Variants in PRELID2 observed in about 807,000 individuals in gnomAD.
PRELID2 encodes PRELI domain-containing protein 2.
A neutral mutation model predicts 28.4 loss-of-function variants in PRELID2; 25 were observed. The ratio of observed to expected loss-of-function variants is 0.88; its 90% confidence interval spans 0.64 to 1.23. PRELID2 has a LOEUF of 1.23. PRELID2 is among the 50% of genes most tolerant of loss of function. The pLI, the probability that PRELID2 is intolerant of heterozygous loss-of-function variation, is 0.00. For missense variants in PRELID2, 201 were observed against 214.4 expected (o/e 0.94, Z 0.39); for synonymous variants, 76 against 71.6 (o/e 1.06, Z -0.31).
In PRELID2 at chr5:145,527,679, T is replaced by A. The variant is rs558383033; in HGVS notation, n.71-54364A>T. On this transcript the variant is annotated intron_variant and non_coding_transcript_variant, in intron 1 of 2. Transcript: ENST00000510259. The stretch of plus-strand genomic sequence containing the variant: ...GAGCTTTTACTGTAGAGCAAAACAG[T>A]GCAAATCCTGACTCCACTACTTCCA... Among the ~76,000 whole-genome samples the A allele has an allele frequency of 1.2e-4, 18 of 152,302 alleles. No individual in the cohort carries two copies. The South Asian group carries it at 3.5e-3, about 30-fold the overall frequency.
At chr5:145,660,364 G>A (rs1211277332) in intron 1 of PRELID2, among the ~76,000 whole-genome samples, 1 of 152,130 alleles carries the variant, frequency 6.6e-6, no homozygotes, top group African/African-American at 2.4e-5. Context: ...TCCAGCCCAA[G>A]GCAGGACCAC....
At chr5:145,654,783 GC>G in intron 1 of PRELID2, among the ~76,000 whole-genome samples, 1 of 152,086 alleles carries the variant, frequency 6.6e-6, no homozygotes, top group East Asian at 1.9e-4. Flanking sequence ...CAAACCCACA[GC>G]CAATATCATA....
intron 1 of PRELID2, among the ~76,000 whole-genome samples, chr5:145,617,443 A>T (rs1753714464): frequency 6.6e-6 from 1 of 152,222 alleles, no homozygotes; most frequent in Non-Finnish European, 1.5e-5. Context: ...CACAATTTAT[A>T]TTCTTCTGCC....
At chr5:145,479,773 G>A (rs1348084943) in intron 1 of PRELID2, among the ~76,000 whole-genome samples, 1 of 152,132 alleles carries the variant, frequency 6.6e-6, no homozygotes, top group African/African-American at 2.4e-5. Flanking sequence ...CCAATTTTCT[G>A]AAACTTATGA....
At chr5:145,246,106 C>T in the PRELID2 span, among the ~76,000 whole-genome samples, 1 of 151,938 alleles carries the variant, frequency 6.6e-6, no homozygotes, top group East Asian at 1.9e-4. Context: ...TGAAGAAATT[C>T]GATTAACAAC....
chr5:145,674,664 C>A (rs946808435), intron 1 of PRELID2, among the ~76,000 whole-genome samples: 5 of 152,074 alleles, frequency 3.3e-5, no homozygotes, highest in African/African-American at 4.8e-5. Flanking sequence ...AAGACTATGG[C>A]CAGGCACAGT....
chr5:145,440,320 C>A, the PRELID2 span, among the ~76,000 whole-genome samples: 1 of 152,072 alleles, frequency 6.6e-6, no homozygotes, highest in East Asian at 1.9e-4. Context: ...GTAAAACCAA[C>A]CCCTTGTGAA....
chr5:145,443,152 G>A, the PRELID2 span, among the ~76,000 whole-genome samples: 16 of 152,082 alleles, frequency 1.1e-4, 1 homozygote, highest in South Asian at 1.7e-3. Flanking sequence ...AACACATTAC[G>A]CACTGTTGGC....
chr5:145,820,123 G>GTTTT, intron 2 of PRELID2, 105 bp from the exon 3 acceptor site: 1 of 263,948 alleles, frequency 3.8e-6, no homozygotes, highest in Non-Finnish European at 8.2e-6. Flanking sequence ...TTTGTTTTTT[G>GTTTT]TTTTTTTTTT....
chr5:145,534,874 G>A (rs966202947), intron 1 of PRELID2, among the ~76,000 whole-genome samples: 1 of 151,844 alleles, frequency 6.6e-6, no homozygotes, highest in African/African-American at 2.4e-5. Context: ...CATTGTATGA[G>A]GTGGCTTTAA....
the PRELID2 span, among the ~76,000 whole-genome samples, chr5:145,284,197 T>G: frequency 5.9e-5 from 9 of 152,348 alleles, no homozygotes; most frequent in Admixed American, 1.3e-4. Flanking sequence ...ATAGTATGTA[T>G]TCAATGAATG....
chr5:145,624,468 C>T (rs186763337), intron 1 of PRELID2, among the ~76,000 whole-genome samples: 128 of 152,210 alleles, frequency 8.4e-4, no homozygotes, highest in African/African-American at 2.9e-3. Context: ...ACAAAAGACA[C>T]TCTTACTGTC....
In PRELID2 at chr5:145,677,617, A is replaced by G. The variant is rs964841019; in HGVS notation, n.70+87314T>C. ...AATTGACCATTATTGAAGCTGGGTG[A>G]CATATTCATCTAAACAGGCACAGGG... is the stretch of plus-strand genomic sequence containing the variant. On this transcript the variant is annotated intron_variant and non_coding_transcript_variant, in intron 1 of 2. Coordinates refer to the PRELID2 transcript ENST00000510259. Among the ~76,000 whole-genome samples, 3 of 152,222 alleles carry G rather than the reference A, an allele frequency of 2.0e-5. No homozygotes were observed. In the East Asian group the frequency reaches 5.8e-4, roughly 29 times the overall value.
Position 145,741,791 on chromosome 5 carries a change from T to A in PRELID2, n.70+23140A>T, listed in dbSNP as rs543229414. Among the ~76,000 whole-genome samples, 222 of 80,988 alleles carry A rather than the reference T, an allele frequency of 2.7e-3. 5 individuals carry two copies. Among genetic ancestry groups the A allele is most frequent in the Non-Finnish European group, 1.4e-3 (58 of 42,298 alleles). 53.1% of individuals were successfully genotyped at this position (80,988 alleles called of 152,430 possible). On this transcript the variant is annotated intron_variant and non_coding_transcript_variant, in intron 1 of 2. Coordinates refer to the PRELID2 transcript ENST00000510259. ...ATATAAATAAAATTTATTTATAAAG[T>A]ATTTATATATAAATTTATTTATAAA...
chr5:145,405,142 G>C, the PRELID2 span, among the ~76,000 whole-genome samples: 1 of 152,202 alleles, frequency 6.6e-6, no homozygotes, highest in East Asian at 1.9e-4. Context: ...CCCAATAAGG[G>C]GGGTATCTTT....
chr5:145,803,618 T>C (rs182789982), intron 4 of PRELID2, among the ~76,000 whole-genome samples: 16 of 151,880 alleles, frequency 1.1e-4, no homozygotes, highest in Admixed American at 9.2e-4. Context: ...TAAGGCAATA[T>C]GCGGAAAGCA....
chr5:145,520,498 C>A (rs1752554831), intron 1 of PRELID2, among the ~76,000 whole-genome samples: 1 of 152,162 alleles, frequency 6.6e-6, no homozygotes, highest in African/African-American at 2.4e-5. Flanking sequence ...CAGTGTTGTG[C>A]CTCATCTGTT....
At chr5:145,779,079 T>C (rs1758602561) in intron 5 of PRELID2, among the ~76,000 whole-genome samples, 1 of 152,224 alleles carries the variant, frequency 6.6e-6, no homozygotes, top group Non-Finnish European at 1.5e-5. Flanking sequence ...CGCCTCTGTT[T>C]TTAAGAGTTT....
chr5:145,439,564 T>C, the PRELID2 span, among the ~76,000 whole-genome samples: 12 of 152,086 alleles, frequency 7.9e-5, no homozygotes, highest in Non-Finnish European at 1.8e-4. Flanking sequence ...AAATCCATTG[T>C]CTCAGACTCT....
Sources: allele counts gnomAD v4.1 joint callset (sites outside exome capture counted in the v4.1 genomes callset), GRCh38; gene constraint gnomAD v4.1.1; transcripts MANE v1.5; gene names NCBI Gene and HGNC (gene_info 2026-07-23, HGNC 2026-07-21).